The following MYO3A variants were observed in gnomAD, a reference collection of about 807,000 sequenced individuals.
MYO3A encodes the protein myosin IIIA.
A neutral mutation model predicts 192.7 loss-of-function variants in MYO3A; 180 were observed. The observed-to-expected ratio is 0.93, with a 90% confidence interval of 0.83 to 1.06. The LOEUF (loss-of-function observed/expected upper bound fraction) is 1.06, where lower values mean the gene tolerates loss of function less well. MYO3A is among the 50% of genes least tolerant of loss of function. The pLI is 0.00. For synonymous variants in MYO3A, 628 were observed against 645.3 expected, an observed-to-expected ratio of 0.97 and a Z score of 0.41; for missense variants, 1,896 against 1,905.0, an observed-to-expected ratio of 1.00 and a Z score of 0.09.
At chr10:26,019,234 TA>T (rs1842150661) in intron 7 of MYO3A, among the ~76,000 whole-genome samples, 1 of 39,234 alleles carries the variant, frequency 2.5e-5, no homozygotes, top group African/African-American at 7.5e-5. Context: ...TTTATTTATT[TA>T]TTTATTTATT....
intron 34 of MYO3A, among the ~76,000 whole-genome samples, chr10:26,206,874 A>G (rs557298155): frequency 1.3e-5 from 2 of 152,230 alleles, no homozygotes; most frequent in South Asian, 2.1e-4. Flanking sequence ...GTAACCTTTC[A>G]TGTTTTTTAT....
chr10:26,100,165 A>G lies in MYO3A; in HGVS notation c.1776+3483A>G, dbSNP rs185939141. Among the ~76,000 whole-genome samples the G allele has an allele frequency of 6.2e-3, 936 of 152,150 alleles. 3 individuals are homozygous for G. Among genetic ancestry groups the G allele is most frequent in the Non-Finnish European group, 0.011 (733 of 67,988 alleles). Reference sequence around the variant, plus strand: ...GGTGTATGTGTCCAGGAATTTATCCATTTCTTCTAGATTTTCTAGTTTATT... The same window carrying G: ...GGTGTATGTGTCCAGGAATTTATCCGTTTCTTCTAGATTTTCTAGTTTATT... On this transcript the variant is annotated intron_variant, in intron 17 of 34. Transcript: ENST00000642920.
At chr10:26,054,022 G>A (rs1011568965) in intron 10 of MYO3A, among the ~76,000 whole-genome samples, 1 of 152,080 alleles carries the variant, frequency 6.6e-6, no homozygotes, top group Non-Finnish European at 1.5e-5. Context: ...AGGTGTTAGA[G>A]GCTCGGCCAA....
intron 1 of MYO3A, among the ~76,000 whole-genome samples, chr10:25,934,958 G>A (rs894734717): frequency 2.6e-5 from 4 of 152,080 alleles, no homozygotes; most frequent in African/African-American, 9.7e-5. Flanking sequence ...AACTGAGGGG[G>A]CCCTGCAGGG....
At chr10:26,099,770 C>T (rs1228319258) in intron 17 of MYO3A, among the ~76,000 whole-genome samples, 4 of 152,152 alleles carry the variant, frequency 2.6e-5, no homozygotes, top group African/African-American at 9.7e-5. Context: ...CCCACTTGAT[C>T]ATGGTGGATA....
Position 26,128,905 on chromosome 10 carries a change from C to T in MYO3A, c.2262+367C>T, listed in dbSNP as rs541823227. On this transcript the variant is annotated intron_variant, in intron 20 of 34. Transcript: ENST00000642920. Reference sequence around the variant, plus strand: ...AAATTCCTTTTGAAATTTCAATATCCAGCTAAAAGCCATTAAACTTCAGAA... The same window carrying T: ...AAATTCCTTTTGAAATTTCAATATCTAGCTAAAAGCCATTAAACTTCAGAA... 5.0e-4 allele frequency among the ~76,000 whole-genome samples: 76 copies of T among 152,186 alleles called. 1 individual carries two copies. Among genetic ancestry groups the T allele is most frequent in the African/African-American group, 1.6e-3 (65 of 41,534 alleles).
intron 31 of MYO3A, 122 bp downstream of exon 31, chr10:26,176,967 C>T: frequency 1.7e-6 from 2 of 1,157,586 alleles, no homozygotes; most frequent in South Asian, 1.3e-5. Flanking sequence ...TTAGGAGAAC[C>T]TTTATTTCAT....
intron 10 of MYO3A, among the ~76,000 whole-genome samples, chr10:26,031,642 C>G (rs935538853): frequency 2.6e-5 from 4 of 152,158 alleles, no homozygotes; most frequent in Non-Finnish European, 5.9e-5. Flanking sequence ...AGGTGGATAG[C>G]CATTATATGG....
intron 15 of MYO3A, among the ~76,000 whole-genome samples, chr10:26,092,339 G>A (rs183613652): frequency 1.5e-3 from 235 of 152,122 alleles, no homozygotes; most frequent in African/African-American, 5.5e-3. Context: ...GGTGGCAGGC[G>A]CCTGTAGTCC....
intron 4 of MYO3A, among the ~76,000 whole-genome samples, chr10:25,989,439 A>T (rs1409126851): frequency 6.6e-6 from 1 of 152,116 alleles, no homozygotes; most frequent in Non-Finnish European, 1.5e-5. Context: ...ACCCTTCCTG[A>T]TACAGAAGAA....
intron 1 of MYO3A, among the ~76,000 whole-genome samples, chr10:25,934,865 C>A (rs189268605): frequency 1.3e-5 from 2 of 151,556 alleles, no homozygotes; most frequent in Non-Finnish European, 2.9e-5. Context: ...GGAAGGGTGG[C>A]GTAAGGGGTG....
In MYO3A at chr10:26,176,693, CT is replaced by C; in HGVS notation, c.4294-3del. On this transcript the variant is annotated splice_region_variant and splice_polypyrimidine_tract_variant and intron_variant, in intron 30 of 34. Coordinates refer to ENST00000642920, the MANE Select transcript of MYO3A (RefSeq NM_017433.5). ...TTGATTTAACCTGACACATGACCTT[CT>C]TTTTAGATATCAAAGTTATCTGAAG... The C allele has an allele frequency of 2.5e-6, 4 of 1,606,450 alleles. No individual in the cohort carries two copies. Among genetic ancestry groups the C allele is most frequent in the Non-Finnish European group, 3.4e-6 (4 of 1,173,322 alleles).
At chr10:25,989,097 G>A (rs1190152321) in intron 4 of MYO3A, among the ~76,000 whole-genome samples, 2 of 151,434 alleles carry the variant, frequency 1.3e-5, no homozygotes, top group Non-Finnish European at 2.9e-5. Flanking sequence ...GTGCCACTAT[G>A]CCTGGCTAAT....
At chr10:26,164,126 AAGTGATGGGAAGTGAAGAGTGAAG>A (rs553239032) in intron 26 of MYO3A, among the ~76,000 whole-genome samples, 1,724 of 139,798 alleles carry the variant, frequency 0.012, 28 homozygotes, top group African/African-American at 0.035. Context: ...GGAGCTGAAG[AAGTGATGGGAAGTGAAGAGTGAAG>A]AGTGATGGGA....
intron 31 of MYO3A, among the ~76,000 whole-genome samples, chr10:26,192,868 T>G (rs1236515746): frequency 6.6e-6 from 1 of 152,088 alleles, no homozygotes; most frequent in Non-Finnish European, 1.5e-5. Flanking sequence ...TTGGCCAGGC[T>G]GGTCTCGAAC....
chr10:26,087,329 C>T (rs1262863549), intron 14 of MYO3A, among the ~76,000 whole-genome samples: 1 of 152,174 alleles, frequency 6.6e-6, no homozygotes, highest in Non-Finnish European at 1.5e-5. Context: ...ATGCCCCCTC[C>T]AACCCACTCA....
intron 2 of MYO3A, among the ~76,000 whole-genome samples, chr10:25,937,048 A>G (rs1430056077): frequency 6.6e-6 from 1 of 152,164 alleles, no homozygotes; most frequent in East Asian, 1.9e-4. Context: ...ATTGGCCTTT[A>G]GAAATGTTTC....
At chr10:26,192,245 G>T (rs1209596495) in intron 31 of MYO3A, among the ~76,000 whole-genome samples, 3 of 152,206 alleles carry the variant, frequency 2.0e-5, no homozygotes, top group South Asian at 2.1e-4. Flanking sequence ...AGTAGGAAAA[G>T]ACAAAAAAAT....
intron 12 of MYO3A, among the ~76,000 whole-genome samples, chr10:26,069,358 GT>G (rs564272090): frequency 2.8e-4 from 43 of 152,084 alleles, no homozygotes; most frequent in Non-Finnish European, 4.9e-4. Context: ...TCACAAACAT[GT>G]TTTATGAATA....
Sources: allele counts gnomAD v4.1 joint callset (sites outside exome capture counted in the v4.1 genomes callset), GRCh38; gene constraint gnomAD v4.1.1; transcripts MANE v1.5; gene names NCBI Gene and HGNC (gene_info 2026-07-23, HGNC 2026-07-21).